The following IKZF3 variants were observed in gnomAD, a reference collection of about 807,000 sequenced individuals.
IKZF3 encodes the protein IKAROS family zinc finger 3.
A neutral mutation model predicts 49.0 loss-of-function variants in IKZF3; 10 were observed. The ratio of observed to expected loss-of-function variants is 0.20; its 90% CI spans 0.13 to 0.35. The LOEUF (loss-of-function observed/expected upper bound fraction) is 0.35, where lower values mean the gene tolerates loss of function less well. Among genes scored for constraint, IKZF3 ranks in the 10% least tolerant of loss-of-function variants. IKZF3 has a pLI of 1.00. For synonymous variants in IKZF3, 209 were observed against 228.2 expected, an observed-to-expected ratio of 0.92 and a Z score of 0.76; for missense variants, 498 against 664.8, an observed-to-expected ratio of 0.75 and a Z score of 2.76.
At chr17:39,849,194 G>A (rs1417694654) in intron 1 of IKZF3, among the ~76,000 whole-genome samples, 1 of 151,994 alleles carries the variant, frequency 6.6e-6, no homozygotes, top group African/African-American at 2.4e-5. Context: ...AGCACTTTGG[G>A]AGGCCAAGGC....
intron 5 of IKZF3, 140 bp downstream of exon 5, chr17:39,791,276 G>C: frequency 1.3e-6 from 1 of 793,784 alleles, no homozygotes; most frequent in African/African-American, 1.7e-5. Context: ...CGTGTAATTA[G>C]CCCTAGAGGT....
chr17:39,765,786 A>G lies in IKZF3; in HGVS notation c.*4T>C, dbSNP rs775902225. 7.6e-6 allele frequency: 12 copies of G among 1,585,400 alleles called. No homozygotes were observed. In the Admixed American group the frequency reaches 2.0e-4, roughly 27 times the overall value. ...ACATAGGAGCAATCCCTGAGACCAGATATTCACTTCAGCAGGGCTCTGTGT... is the reference window on the plus strand; with the variant it reads ...ACATAGGAGCAATCCCTGAGACCAGGTATTCACTTCAGCAGGGCTCTGTGT... On this transcript the variant is annotated 3_prime_UTR_variant, in exon 8 of 8. Transcript: ENST00000346872.
At chr17:39,809,943 A>G (rs978294561) in intron 3 of IKZF3, among the ~76,000 whole-genome samples, 2 of 152,248 alleles carry the variant, frequency 1.3e-5, no homozygotes, top group African/African-American at 4.8e-5. Context: ...ACTATTATGA[A>G]AACAGCAAAG....
intron 3 of IKZF3, among the ~76,000 whole-genome samples, chr17:39,813,496 T>C (rs75280875): frequency 6.6e-6 from 1 of 150,958 alleles, no homozygotes; most frequent in Non-Finnish European, 1.5e-5. Context: ...AAAAAAAAAT[T>C]AGCCATGCAT....
intron 1 of IKZF3, among the ~76,000 whole-genome samples, chr17:39,858,041 A>G (rs1038113434): frequency 2.0e-5 from 3 of 152,186 alleles, no homozygotes; most frequent in Non-Finnish European, 2.9e-5. Context: ...AGGTGTATTA[A>G]TCAACAAAAT....
chr17:39,766,720 A>T (rs991696765), intron 7 of IKZF3, among the ~76,000 whole-genome samples: 1 of 152,096 alleles, frequency 6.6e-6, no homozygotes, highest in Non-Finnish European at 1.5e-5. Flanking sequence ...AGGGGCAGAG[A>T]TGTGGTTCAG....
intron 1 of IKZF3, among the ~76,000 whole-genome samples, chr17:39,855,991 ATTGTATATGTACAATATAACATGTATAT>A (rs1568073247): frequency 9.3e-5 from 14 of 150,970 alleles, no homozygotes; most frequent in African/African-American, 3.2e-4. Flanking sequence ...TAACATGTAT[ATTGTATATGTACAATATAACATGTATAT>A]TGTATATGTA....
At chr17:39,818,481 G>A (rs549492139) in intron 3 of IKZF3, among the ~76,000 whole-genome samples, 4 of 152,330 alleles carry the variant, frequency 2.6e-5, no homozygotes, top group Admixed American at 2.0e-4. Context: ...TGAAACTGCA[G>A]AAAGTGAAAC....
chr17:39,768,048 T>C (rs1028298641), intron 7 of IKZF3, among the ~76,000 whole-genome samples: 3 of 151,730 alleles, frequency 2.0e-5, no homozygotes, highest in African/African-American at 4.8e-5. Flanking sequence ...TAAGACCTTG[T>C]CTCAAAAAAA....
At chr17:39,841,440 T>G (rs2062464230) in intron 1 of IKZF3, among the ~76,000 whole-genome samples, 1 of 151,890 alleles carries the variant, frequency 6.6e-6, no homozygotes, top group South Asian at 2.1e-4. Flanking sequence ...GGCATCTACA[T>G]TTTAGGGGCA....
chr17:39,814,021 C>T (rs535943265), intron 3 of IKZF3, among the ~76,000 whole-genome samples: 3 of 152,318 alleles, frequency 2.0e-5, no homozygotes, highest in East Asian at 3.9e-4. Context: ...ATAAACCACA[C>T]ATGTGGCTTA....
At chr17:39,805,148 A>T (rs922381665) in intron 3 of IKZF3, among the ~76,000 whole-genome samples, 9 of 152,228 alleles carry the variant, frequency 5.9e-5, no homozygotes, top group African/African-American at 2.2e-4. Context: ...TCTGTATATT[A>T]TGCTGCTTCT....
chr17:39,863,519 C>G (rs536487034), intron 1 of IKZF3, among the ~76,000 whole-genome samples: 95 of 152,136 alleles, frequency 6.2e-4, no homozygotes, highest in Middle Eastern at 3.4e-3. Flanking sequence ...TTAGGTATCC[C>G]AAGGAAGTAC....
intron 1 of IKZF3, among the ~76,000 whole-genome samples, chr17:39,853,763 A>T (rs141091322): frequency 0.014 from 2,157 of 149,958 alleles, 34 homozygotes; most frequent in Middle Eastern, 0.021. Flanking sequence ...TGGACCTGAG[A>T]GGTGAAGGTT....
chr17:39,845,523 C>CA, intron 1 of IKZF3, among the ~76,000 whole-genome samples: 1 of 148,392 alleles, frequency 6.7e-6, no homozygotes, highest in Non-Finnish European at 1.5e-5. Flanking sequence ...GGCTCTGTCT[C>CA]CAAAAAAGAA....
At chr17:39,806,157 G>A (rs1168831314) in intron 3 of IKZF3, among the ~76,000 whole-genome samples, 2 of 152,126 alleles carry the variant, frequency 1.3e-5, no homozygotes, top group East Asian at 3.9e-4. Context: ...TCTCATTTGT[G>A]TTGCAGTAAT....
intron 3 of IKZF3, among the ~76,000 whole-genome samples, chr17:39,801,579 T>G (rs1427891715): frequency 6.6e-6 from 1 of 152,226 alleles, no homozygotes; most frequent in African/African-American, 2.4e-5. Context: ...ACAGTTTTCC[T>G]TATAAAATTA....
rs1234304086 is a variant in IKZF3 at position 39,811,420 on chromosome 17, AAAGG to A, written c.163+17963_163+17966del. Among the ~76,000 whole-genome samples the A allele has an allele frequency of 5.3e-5, 8 of 151,418 alleles. No homozygotes were observed. The South Asian group carries it at 1.5e-3, about 28-fold the overall frequency. On this transcript the variant is annotated intron_variant, in intron 3 of 7. Transcript: ENST00000346872. ...GACGGAAGGAAGAAAGGAAGGAAGAAAAGGAAGGAAGGAAAGGAAGGAAGGAAGA... is the reference window on the plus strand; with the variant it reads ...GACGGAAGGAAGAAAGGAAGGAAGAAAAGGAAGGAAAGGAAGGAAGGAAGA...
At chr17:39,771,071 T>A (rs1457877175) in intron 7 of IKZF3, among the ~76,000 whole-genome samples, 1 of 152,210 alleles carries the variant, frequency 6.6e-6, no homozygotes, top group Non-Finnish European at 1.5e-5. Flanking sequence ...GCCCAGTTGG[T>A]GAACAGAGAA....
Sources: gnomAD v4.1 joint callset for allele counts (sites outside exome capture counted in the v4.1 genomes callset) on GRCh38, gnomAD v4.1.1 for gene constraint, MANE v1.5 for transcripts, NCBI Gene and HGNC (gene_info 2026-07-23, HGNC 2026-07-21) for gene names.